AHCYL2: variants seen among roughly 807,000 people sequenced by gnomAD.
AHCYL2 encodes the protein S-adenosylhomocysteine hydrolase-like protein 2.
In AHCYL2, 28 loss-of-function variants were observed where a neutral mutation model predicts 81.4. The ratio of observed to expected loss-of-function variants is 0.34; its 90% confidence interval spans 0.25 to 0.47. The LOEUF (loss-of-function observed/expected upper bound fraction) is 0.47, where lower values mean the gene tolerates loss of function less well. Ranked by LOEUF, AHCYL2 falls within the 20% of genes least tolerant of loss-of-function variation. The pLI is 1.00. For synonymous variants in AHCYL2, 272 were observed against 290.2 expected (o/e 0.94, Z 0.64); for missense variants, 551 against 785.1 (o/e 0.70, Z 3.56).
At position 129,426,396 on chromosome 7, in the gene AHCYL2, A is replaced by G; in HGVS notation, c.1709-47A>G. Reference sequence around the variant, plus strand: ...CTAGCTTGGGGACAATAGCCATCAGATAAAAGGCATGAATGCTTATACCAG... The same window carrying G: ...CTAGCTTGGGGACAATAGCCATCAGGTAAAAGGCATGAATGCTTATACCAG... On this transcript the variant is annotated intron_variant, in intron 15 of 16. Transcript: ENST00000325006. This position sits in a 1 kb window ranked among gnomAD's most constrained non-coding sequence, Gnocchi z 4.3. 6.2e-7 allele frequency: 1 copy of G among 1,613,934 alleles called. No individual in the cohort carries two copies. The highest frequency in any genetic ancestry group is 8.5e-7 in the Non-Finnish European group (1 of 1,179,842).
intron 1 of AHCYL2, among the ~76,000 whole-genome samples, chr7:129,264,171 G>A (rs1231501601): frequency 2.6e-5 from 4 of 152,186 alleles, no homozygotes; most frequent in South Asian, 2.1e-4. Flanking sequence ...ACAGGCACCC[G>A]CCACCATGCC....
At chr7:129,338,395 T>C (rs1245334497) in intron 1 of AHCYL2, among the ~76,000 whole-genome samples, 1 of 152,174 alleles carries the variant, frequency 6.6e-6, no homozygotes, top group African/African-American at 2.4e-5. Context: ...CCTCAAGTGA[T>C]CCTCCTGCCT....
intron 1 of AHCYL2, among the ~76,000 whole-genome samples, chr7:129,322,498 T>G (rs951874776): frequency 6.6e-6 from 1 of 152,250 alleles, no homozygotes; most frequent in Non-Finnish European, 1.5e-5. Flanking sequence ...ATTCTATATT[T>G]ATAGAGCTAT....
intron 1 of AHCYL2, among the ~76,000 whole-genome samples, chr7:129,229,024 GGC>G (rs1290793697): frequency 1.3e-5 from 2 of 151,468 alleles, no homozygotes; most frequent in Non-Finnish European, 2.9e-5. Flanking sequence ...TAAGGCAATT[GGC>G]AGTTGGTCTG....
At chr7:129,226,646 C>T (rs549715131) in intron 1 of AHCYL2, among the ~76,000 whole-genome samples, 96 of 152,246 alleles carry the variant, frequency 6.3e-4, no homozygotes, top group African/African-American at 2.2e-3. Context: ...TAAGGTATAG[C>T]GGATAATCCT....
At chr7:129,394,311 A>G (rs1040480226) in intron 4 of AHCYL2, among the ~76,000 whole-genome samples, 4 of 151,258 alleles carry the variant, frequency 2.6e-5, no homozygotes, top group Non-Finnish European at 4.4e-5. Context: ...TGCCTGGCTC[A>G]GTTCAGTAAT....
chr7:129,321,739 CTTTGT>C (rs1181575412), intron 1 of AHCYL2, among the ~76,000 whole-genome samples: 49 of 38,718 alleles, frequency 1.3e-3, no homozygotes, highest in African/African-American at 3.6e-3. Context: ...TGTATTCTTT[CTTTGT>C]TTTTTTTTTT....
chr7:129,369,255 C>A (rs1207605815), intron 1 of AHCYL2, among the ~76,000 whole-genome samples: 1 of 152,124 alleles, frequency 6.6e-6, no homozygotes, highest in Non-Finnish European at 1.5e-5. Context: ...TAAATAGTTT[C>A]TTCTAGATTT....
chr7:129,384,522 C>A (rs1027112335), intron 2 of AHCYL2, among the ~76,000 whole-genome samples: 1 of 151,702 alleles, frequency 6.6e-6, no homozygotes, highest in Non-Finnish European at 1.5e-5. Context: ...GTTGAGGTCC[C>A]TAATATACTC....
intron 1 of AHCYL2, among the ~76,000 whole-genome samples, chr7:129,227,608 CAAAAAAAAAAA>C (rs57256611): frequency 1.2e-5 from 1 of 80,764 alleles, no homozygotes; most frequent in South Asian, 4.6e-4. Context: ...GACCTTGTCT[CAAAAAAAAAAA>C]AAAAAAAAAA....
chr7:129,359,373 G>A (rs1793853418), intron 1 of AHCYL2, among the ~76,000 whole-genome samples: 1 of 152,224 alleles, frequency 6.6e-6, no homozygotes, highest in Non-Finnish European at 1.5e-5. Context: ...CGACCTATGA[G>A]AAGGCTCTAG....
chr7:129,282,214 C>A (rs1193011726), intron 1 of AHCYL2, among the ~76,000 whole-genome samples: 1 of 151,726 alleles, frequency 6.6e-6, no homozygotes, highest in Non-Finnish European at 1.5e-5. Context: ...GTGCATTTTT[C>A]TTGTGTTTTT....
intron 1 of AHCYL2, chr7:129,377,694 G>A: frequency 2.2e-6 from 1 of 444,610 alleles, no homozygotes; most frequent in Non-Finnish European, 4.5e-6. Context: ...ATCCAGAATA[G>A]GCAATTATAC....
At chr7:129,357,380 ACT>A (rs1236977033) in intron 1 of AHCYL2, among the ~76,000 whole-genome samples, 2 of 152,024 alleles carry the variant, frequency 1.3e-5, no homozygotes, top group African/African-American at 4.8e-5. Flanking sequence ...ACATATGGAA[ACT>A]CTGTACTATT....
intron 1 of AHCYL2, among the ~76,000 whole-genome samples, chr7:129,301,990 T>A (rs1797273026): frequency 6.6e-6 from 1 of 152,222 alleles, no homozygotes. Flanking sequence ...TTTACAATAT[T>A]GATTGTTCCA....
chr7:129,241,645 A>G (rs1734690481), intron 1 of AHCYL2, among the ~76,000 whole-genome samples: 1 of 152,208 alleles, frequency 6.6e-6, no homozygotes, highest in Non-Finnish European at 1.5e-5. Context: ...GAGTCATGAG[A>G]AAAGTGTACT....
intron 1 of AHCYL2, among the ~76,000 whole-genome samples, chr7:129,292,332 T>C (rs1325301055): frequency 6.6e-6 from 1 of 152,242 alleles, no homozygotes; most frequent in Non-Finnish European, 1.5e-5. Context: ...TCACAAGCAC[T>C]ATAATAATCA....
intron 1 of AHCYL2, among the ~76,000 whole-genome samples, chr7:129,299,788 G>T (rs1797195608): frequency 6.6e-6 from 1 of 152,168 alleles, no homozygotes; most frequent in Non-Finnish European, 1.5e-5. Flanking sequence ...TGGCATAGAA[G>T]TACAGAACTT....
At chr7:129,299,628 C>T (rs1051512589) in intron 1 of AHCYL2, among the ~76,000 whole-genome samples, 93 of 151,968 alleles carry the variant, frequency 6.1e-4, no homozygotes, top group African/African-American at 1.7e-3. Flanking sequence ...CTCCTTACCT[C>T]GTGATCCACC....
Sources: gnomAD v4.1 joint callset for allele counts (sites outside exome capture counted in the v4.1 genomes callset) on GRCh38, gnomAD v4.1.1 for gene constraint, Gnocchi (gnomAD v3.1) non-coding constraint, MANE v1.5 for transcripts, NCBI Gene and HGNC (gene_info 2026-07-23, HGNC 2026-07-21) for gene names.